DAW1: variants seen among roughly 807,000 people sequenced by gnomAD.
DAW1 encodes dynein assembly factor with WD repeat domains 1.
DAW1 carries 47 observed loss-of-function variants against 56.5 expected under a neutral mutation model. The observed-to-expected ratio is 0.83, with a 90% CI of 0.66 to 1.06. The LOEUF is 1.06. Among genes scored for constraint, DAW1 ranks in the 50% least tolerant of loss-of-function variants. The pLI is 0.00. For synonymous variants in DAW1, 190 were observed against 179.0 expected (o/e 1.06, Z -0.49); for missense variants, 505 against 499.3 (o/e 1.01, Z -0.11).
chr2:227,903,888 A>G (rs1691615333), intron 7 of DAW1, among the ~76,000 whole-genome samples: 1 of 152,210 alleles, frequency 6.6e-6, no homozygotes, highest in South Asian at 2.1e-4. Context: ...AAGAAAAAAA[A>G]TCACCATTTT....
chr2:227,885,221 A>G, intron 1 of DAW1, 130 bp from the exon 2 acceptor site: 1 of 574,424 alleles, frequency 1.7e-6, no homozygotes, highest in Non-Finnish European at 2.9e-6. Context: ...ACTAGATATC[A>G]CTGCTTATTT....
Position 227,918,146 on chromosome 2 carries a change from A to G in DAW1, c.974-634A>G, listed in dbSNP as rs530747195. On this transcript the variant is annotated intron_variant, in intron 10 of 12. Transcript: ENST00000309931. ...TCTCCATCCATCCATCCATCCGTCC[A>G]TCCATCCATCCATCCATCCATCCAT... Among the ~76,000 whole-genome samples, 907 of 96,816 alleles carry G rather than the reference A, an allele frequency of 9.4e-3. 10 individuals are homozygous for G. The highest frequency in any genetic ancestry group is 0.031 in the African/African-American group (843 of 27,366). 63.5% of individuals were successfully genotyped at this position (96,816 alleles called of 152,430 possible).
intron 5 of DAW1, among the ~76,000 whole-genome samples, chr2:227,896,505 T>G (rs1206403435): frequency 6.6e-6 from 1 of 152,156 alleles, no homozygotes; most frequent in African/African-American, 2.4e-5. Flanking sequence ...GATTTATGTA[T>G]GCGTGAATGC....
chr2:227,886,698 G>T (rs529087892), intron 2 of DAW1, among the ~76,000 whole-genome samples: 1 of 152,304 alleles, frequency 6.6e-6, no homozygotes, highest in East Asian at 1.9e-4. Flanking sequence ...TGTAATCCCA[G>T]CATCTTGGGA....
chr2:227,920,688 T>A (rs1446292921), intron 11 of DAW1, among the ~76,000 whole-genome samples: 1 of 151,944 alleles, frequency 6.6e-6, no homozygotes, highest in Non-Finnish European at 1.5e-5. Context: ...TTTTTATTAT[T>A]TTTTTTGAGA....
intron 10 of DAW1, chr2:227,912,508 A>C: frequency 1.5e-6 from 2 of 1,295,596 alleles, no homozygotes; most frequent in Non-Finnish European, 2.0e-6. Flanking sequence ...CTTGATGATC[A>C]TATATAATGC....
intron 10 of DAW1, among the ~76,000 whole-genome samples, chr2:227,917,323 C>A (rs1691979136): frequency 6.6e-6 from 1 of 150,996 alleles, no homozygotes; most frequent in Non-Finnish European, 1.5e-5. Flanking sequence ...TGCAGTGGCA[C>A]TATCTCAGCT....
intron 2 of DAW1, among the ~76,000 whole-genome samples, chr2:227,889,335 A>G (rs968956538): frequency 3.9e-5 from 6 of 152,042 alleles, no homozygotes; most frequent in Admixed American, 2.6e-4. Flanking sequence ...TGAGGGCTGC[A>G]CTCTGCTTCC....
intron 3 of DAW1, among the ~76,000 whole-genome samples, chr2:227,890,224 C>T (rs1261706607): frequency 1.3e-5 from 2 of 152,034 alleles, no homozygotes; most frequent in Admixed American, 6.6e-5. Context: ...GATTTCAGCT[C>T]TTCATATAAT....
rs1048017689 is a variant in DAW1, at chr2:227,924,139, A to G, written c.*171A>G. ...TATGACCATTAAACATGACAAAGTTATGCCACTCCAATATTATTATTTGAT... is the reference window on the plus strand; with the variant it reads ...TATGACCATTAAACATGACAAAGTTGTGCCACTCCAATATTATTATTTGAT... On this transcript the variant is annotated 3_prime_UTR_variant, in exon 13 of 13. Transcript: ENST00000309931. 4.7e-5 allele frequency: 34 copies of G among 726,146 alleles called. No individual in the cohort carries two copies. In the South Asian group the frequency reaches 6.4e-4, roughly 14 times the overall value. The allele number at this position is 726,146 out of a possible 1,614,324, so 45.0% of individuals were successfully genotyped here.
chr2:227,909,536 C>T (rs1282177839), intron 10 of DAW1, among the ~76,000 whole-genome samples: 1 of 151,752 alleles, frequency 6.6e-6, no homozygotes, highest in Non-Finnish European at 1.5e-5. Flanking sequence ...GAAGTCTTGC[C>T]ATATGCCATC....
intron 1 of DAW1, 39 bp from the exon 2 acceptor site, chr2:227,885,312 A>G (rs1170389549): frequency 1.4e-6 from 2 of 1,400,930 alleles, no homozygotes; most frequent in East Asian, 4.9e-5. Flanking sequence ...ATAGGTGGTT[A>G]TCGTAAGTGT....
chr2:227,888,525 A>G (rs1048791216), intron 2 of DAW1, among the ~76,000 whole-genome samples: 4 of 152,238 alleles, frequency 2.6e-5, no homozygotes, highest in Admixed American at 6.5e-5. Flanking sequence ...AGAAACGGCC[A>G]GGCTCTTGCT....
intron 2 of DAW1, among the ~76,000 whole-genome samples, chr2:227,887,995 AG>A (rs1691171771): frequency 6.6e-6 from 1 of 152,224 alleles, no homozygotes; most frequent in Admixed American, 6.5e-5. Context: ...AACGTTTCAA[AG>A]GGGCATTTTT....
intron 1 of DAW1, chr2:227,876,525 A>G: frequency 7.7e-7 from 1 of 1,296,762 alleles, no homozygotes; most frequent in Non-Finnish European, 1.0e-6. Context: ...ATTATCAGAT[A>G]GGAAAAATTA....
At chr2:227,885,194 C>T (rs1691095279) in intron 1 of DAW1, among the ~76,000 whole-genome samples, 157 bp from the exon 2 acceptor site, 1 of 152,220 alleles carries the variant, frequency 6.6e-6, no homozygotes, top group African/African-American at 2.4e-5. Context: ...AGTTTGTCTA[C>T]ATGATCTTGT....
chr2:227,908,935 C>T (rs964756633), intron 10 of DAW1, among the ~76,000 whole-genome samples: 1 of 152,150 alleles, frequency 6.6e-6, no homozygotes, highest in Non-Finnish European at 1.5e-5. Context: ...CTGATGACCA[C>T]GTGTGAAGCT....
intron 12 of DAW1, among the ~76,000 whole-genome samples, chr2:227,922,851 A>G (rs1692143384): frequency 1.3e-5 from 2 of 152,214 alleles, no homozygotes; most frequent in Admixed American, 1.3e-4. Context: ...TGAACACAAT[A>G]TCAAATCCTT....
At chr2:227,876,212 G>A (rs1339288675) in intron 1 of DAW1, among the ~76,000 whole-genome samples, 2 of 152,152 alleles carry the variant, frequency 1.3e-5, no homozygotes, top group African/African-American at 4.8e-5. Flanking sequence ...AGTAGAGACG[G>A]GGTTTCACCG....
Sources: allele counts gnomAD v4.1 joint callset (sites outside exome capture counted in the v4.1 genomes callset), GRCh38; gene constraint gnomAD v4.1.1; transcripts MANE v1.5; gene names NCBI Gene and HGNC (gene_info 2026-07-23, HGNC 2026-07-21).